Variants in TMPRSS15 observed in about 807,000 individuals in gnomAD.
The protein encoded by TMPRSS15 is transmembrane serine protease 15.
TMPRSS15 carries 128 observed loss-of-function variants against 125.3 expected under a neutral mutation model. The ratio of observed to expected loss-of-function variants is 1.02; its 90% confidence interval spans 0.89 to 1.18. The LOEUF (loss-of-function observed/expected upper bound fraction) is 1.18. TMPRSS15 is among the 50% of genes most tolerant of loss of function. TMPRSS15 has a pLI of 0.00. For missense variants in TMPRSS15, 1,283 were observed against 1,212.7 expected, an observed-to-expected ratio of 1.06 and a Z score of -0.86; for synonymous variants, 446 against 423.2, an observed-to-expected ratio of 1.05 and a Z score of -0.66.
At chr21:18,270,356 C>CT (rs1172679190) in intron 24 of TMPRSS15, among the ~76,000 whole-genome samples, 2 of 152,130 alleles carry the variant, frequency 1.3e-5, no homozygotes, top group East Asian at 3.9e-4. Context: ...TACAGTGCAC[C>CT]TTTTTAGTAA....
intron 1 of TMPRSS15, among the ~76,000 whole-genome samples, chr21:18,399,713 C>A (rs1018797999): frequency 1.3e-5 from 2 of 152,066 alleles, no homozygotes; most frequent in Non-Finnish European, 2.9e-5. Flanking sequence ...GAAATATTAA[C>A]ATCCAAGGAA....
chr21:18,472,609 A>C (rs1405883716), intron 1 of TMPRSS15, among the ~76,000 whole-genome samples: 1 of 151,988 alleles, frequency 6.6e-6, no homozygotes, highest in Non-Finnish European at 1.5e-5. Context: ...CTGCTTGATG[A>C]GTCTAAATTA....
At chr21:18,310,282 A>G (rs1386784778) in intron 18 of TMPRSS15, among the ~76,000 whole-genome samples, 3 of 152,144 alleles carry the variant, frequency 2.0e-5, no homozygotes, top group Non-Finnish European at 4.4e-5. Context: ...GTCTCTTTTC[A>G]TAGATGACAT....
intron 1 of TMPRSS15, among the ~76,000 whole-genome samples, chr21:18,414,976 A>C (rs1024090178): frequency 1.9e-4 from 29 of 152,090 alleles, no homozygotes; most frequent in African/African-American, 6.5e-4. Flanking sequence ...ACATTCCTAC[A>C]AACACTGTAT....
chr21:18,359,020 G>A lies in TMPRSS15; in HGVS notation c.880+737C>T, dbSNP rs141844816. Among the ~76,000 whole-genome samples the A allele has an allele frequency of 2.8e-3, 433 of 152,028 alleles. 8 individuals are homozygous for A. Among genetic ancestry groups the A allele is most frequent in the Non-Finnish European group, 8.5e-4 (58 of 67,932 alleles). ...ACAGTTAACTATTTCTCCAACATGC[G>A]AGGAAAACTAGTTATTCCCTTGGCT... On this transcript the variant is annotated intron_variant, in intron 8 of 24. Transcript: ENST00000284885.
intron 3 of TMPRSS15, among the ~76,000 whole-genome samples, chr21:18,391,559 A>T (rs906876243): frequency 6.6e-6 from 1 of 152,166 alleles, no homozygotes; most frequent in Non-Finnish European, 1.5e-5. Flanking sequence ...GCTCCACCCT[A>T]GTGGCTTTGA....
rs572678328 is a variant in TMPRSS15, at chr21:18,441,971, G to A, written c.11-43642C>T. 2.6e-4 allele frequency among the ~76,000 whole-genome samples: 40 copies of A among 152,190 alleles called. No individual in the cohort carries two copies. In the South Asian group the frequency reaches 6.2e-3, roughly 24 times the overall value. ...CTCCCAAAGTGCTGGGATTACAGGC[G>A]TGAGCCACCACACCCGGCCCAGGAC... On this transcript the variant is annotated intron_variant, in intron 1 of 7. Transcript: ENST00000422787.
chr21:18,346,352 C>T (rs894007434), intron 10 of TMPRSS15, among the ~76,000 whole-genome samples: 25 of 152,206 alleles, frequency 1.6e-4, no homozygotes, highest in Admixed American at 6.5e-5. Flanking sequence ...CATCCCATTC[C>T]GTTTCAACAT....
At chr21:18,306,416 C>A (rs2075040076) in intron 18 of TMPRSS15, among the ~76,000 whole-genome samples, 1 of 152,160 alleles carries the variant, frequency 6.6e-6, no homozygotes, top group African/African-American at 2.4e-5. Context: ...ACATTTTAAT[C>A]TCTTCCCCCA....
At chr21:18,402,758 T>C (rs1233022553) in intron 1 of TMPRSS15, among the ~76,000 whole-genome samples, 1 of 152,202 alleles carries the variant, frequency 6.6e-6, no homozygotes, top group Non-Finnish European at 1.5e-5. Context: ...TACCCACTAA[T>C]AATGTGAACT....
intron 3 of TMPRSS15, among the ~76,000 whole-genome samples, chr21:18,396,212 G>A (rs1345503413): frequency 2.0e-5 from 3 of 152,006 alleles, no homozygotes; most frequent in African/African-American, 7.3e-5. Flanking sequence ...CTTTTCCATT[G>A]CATCTTGAGC....
intron 10 of TMPRSS15, among the ~76,000 whole-genome samples, chr21:18,346,616 C>T (rs562037786): frequency 5.6e-4 from 85 of 152,258 alleles, no homozygotes; most frequent in African/African-American, 2.0e-3. Context: ...TCAGTTGCTT[C>T]CACTTAAAGT....
At chr21:18,396,652 T>G (rs537975834) in intron 3 of TMPRSS15, among the ~76,000 whole-genome samples, 1 of 151,512 alleles carries the variant, frequency 6.6e-6, no homozygotes, top group Non-Finnish European at 1.5e-5. Context: ...CGGGCACCTG[T>G]AGTCTCAGCT....
At chr21:18,364,664 A>G (rs2075708992) in intron 7 of TMPRSS15, among the ~76,000 whole-genome samples, 1 of 152,156 alleles carries the variant, frequency 6.6e-6, no homozygotes, top group Admixed American at 6.5e-5. Flanking sequence ...GACTGATCCA[A>G]ATGTCTTTCA....
intron 18 of TMPRSS15, among the ~76,000 whole-genome samples, chr21:18,306,173 T>C (rs17781093): frequency 0.1 from 15,915 of 152,166 alleles, 1,173 homozygotes; most frequent in East Asian, 0.34. Flanking sequence ...TGTGTCTGAG[T>C]TGTAATAAGT....
rs548218016 is a variant in TMPRSS15, at chr21:18,472,367, G to A, written c.10+13432C>T. Among the ~76,000 whole-genome samples the A allele has an allele frequency of 2.6e-5, 4 of 151,432 alleles. No individual in the cohort carries two copies. In the East Asian group the frequency reaches 7.7e-4, roughly 29 times the overall value. On this transcript the variant is annotated intron_variant, in intron 1 of 7. Coordinates refer to the TMPRSS15 transcript ENST00000422787. Reference sequence around the variant, plus strand: ...AATGAACTTCTCCCTTTTAGCCTATGGGGTTCAATTCAGGTAGCCAATTAT... The same window carrying A: ...AATGAACTTCTCCCTTTTAGCCTATAGGGTTCAATTCAGGTAGCCAATTAT...
intron 1 of TMPRSS15, among the ~76,000 whole-genome samples, chr21:18,456,055 G>A (rs891399554): frequency 2.6e-4 from 40 of 152,162 alleles, no homozygotes; most frequent in African/African-American, 7.2e-4. Flanking sequence ...ATTAACATGG[G>A]AAGTAAATCC....
intron 23 of TMPRSS15, among the ~76,000 whole-genome samples, chr21:18,275,756 T>C (rs2074612293): frequency 6.6e-6 from 1 of 152,206 alleles, no homozygotes; most frequent in South Asian, 2.1e-4. Flanking sequence ...TATAATAGCA[T>C]TCAGCTTCTT....
At position 18,272,552 on chromosome 21, in the gene TMPRSS15, G is replaced by A. The variant is rs577432226; in HGVS notation, c.2905-2428C>T. 5.7e-4 allele frequency among the ~76,000 whole-genome samples: 86 copies of A among 151,742 alleles called. 1 individual carries two copies. The highest frequency in any genetic ancestry group is 3.4e-3 in the Middle Eastern group (1 of 294). On this transcript the variant is annotated intron_variant, in intron 24 of 24. Transcript: ENST00000284885. ...CAGCCTGGCCAACATGGTGAAACCC[G>A]GTCTCTACTAAAAATACAAAAAATT...
Sources: allele counts gnomAD v4.1 joint callset (sites outside exome capture counted in the v4.1 genomes callset), GRCh38; gene constraint gnomAD v4.1.1; transcripts MANE v1.5; gene names NCBI Gene and HGNC (gene_info 2026-07-23, HGNC 2026-07-21).